The following FAT2 variants were observed in gnomAD, a reference collection of about 807,000 sequenced individuals.
The protein encoded by FAT2 is protocadherin Fat 2.
In FAT2, 150 loss-of-function variants were observed where a neutral mutation model predicts 295.3. That is an observed-to-expected ratio of 0.51 (90% CI 0.44 to 0.58). FAT2 has a LOEUF of 0.58. Ranked by LOEUF, FAT2 falls within the 20% of genes least tolerant of loss-of-function variation. FAT2 has a pLI of 0.00. For synonymous variants in FAT2, 2,026 were observed against 2,150.3 expected, an observed-to-expected ratio of 0.94 and a Z score of 1.60; for missense variants, 4,868 against 5,442.7, an observed-to-expected ratio of 0.89 and a Z score of 3.32.
intron 1 of FAT2, among the ~76,000 whole-genome samples, chr5:151,574,621 G>T (rs185382116): frequency 7.2e-4 from 110 of 152,306 alleles, no homozygotes; most frequent in African/African-American, 2.6e-3. Context: ...ACATCATTGG[G>T]ATGAGTAATC....
At chr5:151,520,503 G>A (rs1179474584) in intron 19 of FAT2, among the ~76,000 whole-genome samples, 3 of 152,206 alleles carry the variant, frequency 2.0e-5, no homozygotes, top group African/African-American at 4.8e-5. Flanking sequence ...TCTACACAGA[G>A]TGTGGCGTAC....
intron 3 of FAT2, 44 bp downstream of exon 3, chr5:151,563,281 A>T (rs1758100580): frequency 6.4e-7 from 1 of 1,550,718 alleles, no homozygotes; most frequent in Non-Finnish European, 8.8e-7. Context: ...TTTGAGAACC[A>T]CCATTGTAGA....
At chr5:151,517,283 A>C (rs1267412208) in intron 20 of FAT2, among the ~76,000 whole-genome samples, 1 of 152,192 alleles carries the variant, frequency 6.6e-6, no homozygotes, top group Non-Finnish European at 1.5e-5. Flanking sequence ...CCCAGTGGTA[A>C]GCAATCCCCC....
intron 19 of FAT2, among the ~76,000 whole-genome samples, chr5:151,520,446 A>C (rs541654979): frequency 6.6e-6 from 1 of 152,176 alleles, no homozygotes; most frequent in African/African-American, 2.4e-5. Context: ...AGATGGGGCT[A>C]ATGACCCTGC....
At position 151,521,344 on chromosome 5, in the gene FAT2, G is replaced by T. The variant is rs372405844; in HGVS notation, c.11249C>A (p.Thr3750Lys). 8.7e-6 allele frequency: 14 copies of T among 1,614,072 alleles called. No homozygotes were observed. Among genetic ancestry groups the T allele is most frequent in the Non-Finnish European group, 1.2e-5 (14 of 1,180,028 alleles). Reference sequence around the variant, plus strand: ...GATGCTGAGCCTGGCGGTGCTGTACGTGGGCCCAACCTTGGGGTCCAGATG... The same window carrying T: ...GATGCTGAGCCTGGCGGTGCTGTACTTGGGCCCAACCTTGGGGTCCAGATG... ...TVHLDPKVGP[T>K]YSTARLSILT... is the part of the protein sequence containing the mutation. The change falls in exon 19 of 24, where the codon ACG (threonine) becomes AAG (lysine). Residue 3750 changes from threonine to lysine, a missense_variant. Coordinates refer to ENST00000261800, the MANE Select transcript of FAT2 (RefSeq NM_001447.3).
Position 151,505,484 on chromosome 5 carries a change from A to AACTC in FAT2, c.*77_*80dup. On this transcript the variant is annotated 3_prime_UTR_variant, in exon 24 of 24. Coordinates refer to ENST00000261800, the MANE Select transcript of FAT2 (RefSeq NM_001447.3). Reference sequence around the variant, plus strand: ...CCCTCCCACTCTCCCAGCCACACTCAACTCACCCCCTACGAGACAGGAAGA... The same window carrying AACTC: ...CCCTCCCACTCTCCCAGCCACACTCAACTCACTCACCCCCTACGAGACAGGAAGA... 2 of 1,552,326 alleles carry AACTC rather than the reference A, an allele frequency of 1.3e-6. No individual in the cohort carries two copies. The highest frequency in any genetic ancestry group is 1.8e-6 in the Non-Finnish European group (2 of 1,140,282).
At position 151,546,407 on chromosome 5, in the gene FAT2, G is replaced by A. The variant is rs1054232340; in HGVS notation, c.4790-70C>T. 1.3e-5 allele frequency: 16 copies of A among 1,198,864 alleles called. No homozygotes were observed. The African/African-American group carries it at 2.1e-4, about 16-fold the overall frequency. The allele number at this position is 1,198,864 out of a possible 1,614,324, so 74.3% of individuals were successfully genotyped here. ...GGTATCAGCTAGGCTTTCTAGATCA[G>A]TAAAGGGTCTATCACACAAAACCTG... On this transcript the variant is annotated intron_variant, in intron 9 of 23. Transcript: ENST00000261800.
intron 9 of FAT2, 45 bp downstream of exon 9, chr5:151,549,250 A>G: frequency 1.3e-6 from 2 of 1,571,900 alleles, no homozygotes; most frequent in Non-Finnish European, 1.7e-6. Flanking sequence ...CTTTATTTCT[A>G]AAGCATCTTG....
chr5:151,514,992 A>G (rs1292261739), intron 20 of FAT2, among the ~76,000 whole-genome samples: 3 of 152,166 alleles, frequency 2.0e-5, no homozygotes, highest in African/African-American at 7.2e-5. Context: ...TTTTTTTAAA[A>G]AAGGTTGTCT....
chr5:151,581,077 A>T (rs1758938051), intron 1 of FAT2, among the ~76,000 whole-genome samples: 1 of 152,208 alleles, frequency 6.6e-6, no homozygotes, highest in African/African-American at 2.4e-5. Flanking sequence ...GAGTCGCTAC[A>T]GTCAGGCCAC....
intron 11 of FAT2, among the ~76,000 whole-genome samples, chr5:151,540,277 T>A (rs531137136): frequency 7.2e-5 from 11 of 152,268 alleles, no homozygotes; most frequent in Non-Finnish European, 1.0e-4. Context: ...GTCTGAGGCT[T>A]GCTGGGGAGA....
intron 19 of FAT2, 22 bp downstream of exon 19, chr5:151,521,254 C>T: frequency 6.3e-7 from 1 of 1,577,546 alleles, no homozygotes; most frequent in East Asian, 2.3e-5. Flanking sequence ...CTGCTCGTCC[C>T]TAGGGAAGAT....
chr5:151,540,859 T>C, intron 10 of FAT2, 96 bp from the exon 11 acceptor site: 1 of 1,150,420 alleles, frequency 8.7e-7, no homozygotes, highest in Non-Finnish European at 1.2e-6. Context: ...TTTTTTAGAA[T>C]TGTTGGGAAA....
intron 19 of FAT2, 127 bp downstream of exon 19, chr5:151,521,149 G>T: frequency 1.1e-6 from 1 of 900,028 alleles, no homozygotes; most frequent in South Asian, 1.8e-5. Flanking sequence ...ATGGTGATTG[G>T]TGGCCTTTGG....
chr5:151,526,487 T>C (rs1454767948), intron 17 of FAT2, among the ~76,000 whole-genome samples: 1 of 152,226 alleles, frequency 6.6e-6, no homozygotes, highest in African/African-American at 2.4e-5. Flanking sequence ...TTGTATAACA[T>C]GGGCATTTAG....
chr5:151,527,510 G>T, intron 16 of FAT2, 133 bp from the exon 17 acceptor site: 1 of 807,086 alleles, frequency 1.2e-6, no homozygotes, highest in Non-Finnish European at 1.8e-6. Context: ...CTGCCCACCC[G>T]TAGCATTTTA....
In FAT2 at chr5:151,545,257, G is replaced by T. The variant is rs755926674; in HGVS notation, c.5870C>A (p.Ser1957Tyr). ...GCTTTTGTCAAGCACTTGGGTCAAA[G>T]AAATTTTTACCAGCGCAGTGTCTTG... is the stretch of plus-strand genomic sequence containing the variant. ...LYQDTALVKI[S>Y]LTQVLDKSLQ... Residue 1957 changes from serine (S) to tyrosine (Y), a missense_variant, in exon 10 of 24, where the codon TCT (serine) becomes TAT (tyrosine). Around this residue, in one of 5 missense-constraint regions of FAT2, gnomAD observed 3,297 missense variants for 3,669.4 expected, o/e 0.90. Coordinates refer to ENST00000261800, the MANE Select transcript of FAT2 (RefSeq NM_001447.3). The T allele has an allele frequency of 2.5e-6, 4 of 1,614,166 alleles. No homozygotes were observed. Among genetic ancestry groups the T allele is most frequent in the East Asian group, 2.2e-5 (1 of 44,882 alleles).
In FAT2 at chr5:151,545,410, C is replaced by G; in HGVS notation, c.5717G>C (p.Ser1906Thr). 1 of 1,614,138 alleles carries G rather than the reference C, an allele frequency of 6.2e-7. No homozygotes were observed. Among genetic ancestry groups the G allele is most frequent in the Non-Finnish European group, 8.5e-7 (1 of 1,180,018 alleles). The change falls in exon 10 of 24, where the codon AGC (serine) becomes ACC (threonine). Residue 1906 changes from serine to threonine, a missense_variant. By Grantham distance (58) the Ser-to-Thr change is moderately conservative. Coordinates refer to ENST00000261800, the MANE Select transcript of FAT2 (RefSeq NM_001447.3). ...ASDEDSEVNY[S>T]IKTGNADEAV... ...TTCATCAGCATTGCCAGTTTTGATG[C>G]TATAATTGACTTCTGAGTCTTCATC...
In FAT2 at chr5:151,550,918, A is replaced by G. The variant is rs368988186; in HGVS notation, c.4297-47T>C. 22 of 1,584,556 alleles carry G rather than the reference A, an allele frequency of 1.4e-5. No homozygotes were observed. In the African/African-American group the frequency reaches 3.0e-4, roughly 21 times the overall value. ...AAGGTGCACTGCAAGCCCCAGGGGA[A>G]CAGGGACTGGGTCTGTCTGGACCTC... On this transcript the variant is annotated intron_variant, in intron 7 of 23. Coordinates refer to ENST00000261800, the MANE Select transcript of FAT2 (RefSeq NM_001447.3).
Sources: allele counts gnomAD v4.1 joint callset (sites outside exome capture counted in the v4.1 genomes callset), GRCh38; gene constraint gnomAD v4.1.1; regional missense constraint gnomAD v4.1.1; transcripts MANE v1.5; gene names NCBI Gene and HGNC (gene_info 2026-07-23, HGNC 2026-07-21).